NLK: variants seen among roughly 807,000 people sequenced by gnomAD.
The protein encoded by NLK is nemo like kinase.
In NLK, 11 loss-of-function variants were observed where a neutral mutation model predicts 59.0. The ratio of observed to expected loss-of-function variants is 0.19; its 90% CI spans 0.12 to 0.31. The LOEUF (loss-of-function observed/expected upper bound fraction) is 0.31. Among genes scored for constraint, NLK ranks in the 10% least tolerant of loss-of-function variants. NLK has a pLI of 1.00. For synonymous variants in NLK, 235 were observed against 235.9 expected (o/e 1.00, Z 0.03); for missense variants, 410 against 661.1 (o/e 0.62, Z 4.16).
intron 3 of NLK, among the ~76,000 whole-genome samples, chr17:28,133,754 T>G (rs1057125063): frequency 6.6e-6 from 1 of 152,198 alleles, no homozygotes; most frequent in African/African-American, 2.4e-5. Context: ...ATTAATACTT[T>G]AGGCCTATGA....
intron 7 of NLK, among the ~76,000 whole-genome samples, chr17:28,183,548 C>T (rs1908997429): frequency 6.6e-6 from 1 of 152,104 alleles, no homozygotes; most frequent in Non-Finnish European, 1.5e-5. Flanking sequence ...AGGCTGGTCT[C>T]AAACTCACAG....
At chr17:28,085,760 T>G (rs1446603231) in intron 1 of NLK, among the ~76,000 whole-genome samples, 5 of 151,816 alleles carry the variant, frequency 3.3e-5, no homozygotes, top group Non-Finnish European at 2.9e-5. Flanking sequence ...AAGAAAAAAG[T>G]AGAGCTGAAA....
intron 10 of NLK, among the ~76,000 whole-genome samples, chr17:28,193,280 G>A (rs978462395): frequency 6.6e-6 from 1 of 152,196 alleles, no homozygotes; most frequent in Admixed American, 6.5e-5. Flanking sequence ...GGTTCCTCAT[G>A]TAAGGACCTC....
At chr17:28,144,026 C>CT (rs1907127736) in intron 3 of NLK, among the ~76,000 whole-genome samples, 1 of 152,064 alleles carries the variant, frequency 6.6e-6, no homozygotes, top group Non-Finnish European at 1.5e-5. Context: ...TATTTTTCTT[C>CT]TTTTTTTCTG....
intron 1 of NLK, among the ~76,000 whole-genome samples, chr17:28,085,761 A>G (rs1484457522): frequency 6.6e-6 from 1 of 152,132 alleles, no homozygotes; most frequent in African/African-American, 2.4e-5. Context: ...AGAAAAAAGT[A>G]GAGCTGAAAG....
At chr17:28,110,694 T>C (rs916662744) in intron 1 of NLK, among the ~76,000 whole-genome samples, 1 of 152,152 alleles carries the variant, frequency 6.6e-6, no homozygotes, top group Admixed American at 6.5e-5. Flanking sequence ...AACTTTTTTC[T>C]TCGTTTCTAA....
At chr17:28,148,670 AGGATT>A (rs1245703926) in intron 3 of NLK, among the ~76,000 whole-genome samples, 5 of 152,234 alleles carry the variant, frequency 3.3e-5, no homozygotes, top group Admixed American at 3.3e-4. Flanking sequence ...AGTTGTTATG[AGGATT>A]AAATGAGGTG....
At chr17:28,135,258 G>A (rs1906694761) in intron 3 of NLK, among the ~76,000 whole-genome samples, 1 of 152,192 alleles carries the variant, frequency 6.6e-6, no homozygotes, top group South Asian at 2.1e-4. Context: ...CTCAGGCTCA[G>A]TGATTCGCTA....
chr17:28,194,057 C>T (rs1207436851), intron 10 of NLK, among the ~76,000 whole-genome samples: 1 of 152,134 alleles, frequency 6.6e-6, no homozygotes, highest in African/African-American at 2.4e-5. Flanking sequence ...TATACTTCTC[C>T]ATTAATACTT....
chr17:28,139,843 C>T (rs1190113721), intron 3 of NLK, among the ~76,000 whole-genome samples: 1 of 152,114 alleles, frequency 6.6e-6, no homozygotes, highest in East Asian at 1.9e-4. Context: ...TTAATGCTTT[C>T]CCTGAAGGAA....
chr17:28,182,711 T>G (rs1908959021), intron 7 of NLK, among the ~76,000 whole-genome samples: 1 of 151,202 alleles, frequency 6.6e-6, no homozygotes, highest in East Asian at 2.0e-4. Flanking sequence ...CCCACCCCTG[T>G]TTGGAGCTCT....
intron 6 of NLK, 72 bp downstream of exon 6, chr17:28,168,729 G>A (rs1908345074): frequency 7.5e-6 from 9 of 1,193,002 alleles, no homozygotes; most frequent in Non-Finnish European, 1.1e-5. Context: ...TTGCACATGT[G>A]TCTTGGGCTT....
chr17:28,073,865 A>G (rs1910088199), intron 1 of NLK, among the ~76,000 whole-genome samples: 1 of 152,234 alleles, frequency 6.6e-6, no homozygotes, highest in African/African-American at 2.4e-5. Context: ...CCCTGTAGAC[A>G]CAAAGATAGA....
At chr17:28,072,740 ATGT>A (rs1910046526) in intron 1 of NLK, among the ~76,000 whole-genome samples, 1 of 152,046 alleles carries the variant, frequency 6.6e-6, no homozygotes, top group South Asian at 2.1e-4. Context: ...TTTAGTATGC[ATGT>A]TTAAATTCCA....
At position 28,052,250 on chromosome 17, in the gene NLK, T is replaced by A. The variant is rs74474385; in HGVS notation, c.458+8919T>A. 6.6e-4 allele frequency among the ~76,000 whole-genome samples: 100 copies of A among 152,342 alleles called. No individual in the cohort carries two copies. In the East Asian group the frequency reaches 0.014, roughly 22 times the overall value. ...GTTTTCTTACAATATTTTGAGTGAT[T>A]TTTAAATTTTTAAATAAAATTTAAT... On this transcript the variant is annotated intron_variant, in intron 1 of 10. Transcript: ENST00000407008.
chr17:28,127,490 A>G (rs1450586099), intron 2 of NLK, among the ~76,000 whole-genome samples: 3 of 152,218 alleles, frequency 2.0e-5, no homozygotes, highest in South Asian at 2.1e-4. Flanking sequence ...GGAGTTGGAA[A>G]AAGCAAAGGA....
intron 2 of NLK, among the ~76,000 whole-genome samples, chr17:28,130,990 A>T (rs1286246828): frequency 6.6e-6 from 1 of 152,138 alleles, no homozygotes; most frequent in Non-Finnish European, 1.5e-5. Context: ...CTAAATATAA[A>T]CATTTTAATT....
chr17:28,116,815 C>G (rs954850157), intron 1 of NLK, among the ~76,000 whole-genome samples: 1 of 152,148 alleles, frequency 6.6e-6, no homozygotes, highest in South Asian at 2.1e-4. Context: ...CAGGAAGTCA[C>G]CAGTGGAATT....
rs1383494626 is a variant in NLK at position 28,196,309 on chromosome 17, C to T, written c.*1673C>T. 1 of 152,608 alleles carries T rather than the reference C, an allele frequency of 6.6e-6. No homozygotes were observed. Among genetic ancestry groups the T allele is most frequent in the Non-Finnish European group, 1.5e-5 (1 of 68,030 alleles). 9.5% of individuals were successfully genotyped at this position (152,608 alleles called of 1,614,324 possible). ...CAGAGGTTGGTCAATTACCGTGGCA[C>T]ACTTTCTGGTCACTTTGTACAATGT... On this transcript the variant is annotated 3_prime_UTR_variant, in exon 11 of 11. Transcript: ENST00000407008.
Sources: gnomAD v4.1 joint callset for allele counts (sites outside exome capture counted in the v4.1 genomes callset) on GRCh38, gnomAD v4.1.1 for gene constraint, MANE v1.5 for transcripts, NCBI Gene and HGNC (gene_info 2026-07-23, HGNC 2026-07-21) for gene names.